MTMR2: variants seen among roughly 807,000 people sequenced by gnomAD.
MTMR2 encodes the protein phosphatidylinositol-3,5-bisphosphate 3-phosphatase MTMR2.
Under a neutral mutation model 86.9 loss-of-function variants are expected in MTMR2, and 55 were observed. The observed-to-expected ratio is 0.63, with a 90% CI of 0.51 to 0.79. MTMR2 has a LOEUF of 0.79. MTMR2 is among the 30% of genes least tolerant of loss of function. The pLI is 0.00. For missense variants in MTMR2, 659 were observed against 772.3 expected, an observed-to-expected ratio of 0.85 and a Z score of 1.74; for synonymous variants, 241 against 266.8, an observed-to-expected ratio of 0.90 and a Z score of 0.94.
intron 2 of MTMR2, among the ~76,000 whole-genome samples, chr11:95,868,385 A>C (rs948205403): frequency 3.9e-5 from 6 of 151,918 alleles, no homozygotes; most frequent in African/African-American, 1.2e-4. Flanking sequence ...AAGAGAAATG[A>C]ATGAGAATGA....
intron 9 of MTMR2, among the ~76,000 whole-genome samples, chr11:95,848,261 A>C (rs1449788271): frequency 6.6e-6 from 1 of 152,200 alleles, no homozygotes; most frequent in Non-Finnish European, 1.5e-5. Flanking sequence ...TACTGAAATT[A>C]CCAGACTGTA....
In MTMR2 at chr11:95,924,063, C is replaced by G; in HGVS notation, c.-109G>C. 1 of 1,416,594 alleles carries G rather than the reference C, an allele frequency of 7.1e-7. No homozygotes were observed. Among genetic ancestry groups the G allele is most frequent in the Non-Finnish European group, 9.7e-7 (1 of 1,027,914 alleles). 87.8% of individuals were successfully genotyped at this position (1,416,594 alleles called of 1,614,324 possible). ...ACCGGGGCCGCAGTCAGGCCAGCGC[C>G]GGCCCGGGAGGGAGACCGGAAGCGG... On this transcript the variant is annotated 5_prime_UTR_variant, in exon 1 of 15. Transcript: ENST00000346299.
At chr11:95,915,582 T>C (rs1866667396) in intron 1 of MTMR2, among the ~76,000 whole-genome samples, 1 of 152,146 alleles carries the variant, frequency 6.6e-6, no homozygotes, top group Non-Finnish European at 1.5e-5. Flanking sequence ...AGGTCAAAGA[T>C]ATAAAAACAA....
intron 13 of MTMR2, among the ~76,000 whole-genome samples, 199 bp downstream of exon 13, chr11:95,837,895 G>A (rs1863356888): frequency 6.6e-6 from 1 of 152,024 alleles, no homozygotes; most frequent in African/African-American, 2.4e-5. Flanking sequence ...CAGCTAGCTA[G>A]CACCTTCAGC....
chr11:95,918,230 C>T (rs1249723259), intron 1 of MTMR2, among the ~76,000 whole-genome samples: 7 of 152,176 alleles, frequency 4.6e-5, no homozygotes. Flanking sequence ...CAGCATCCAT[C>T]GGGATCACCT....
chr11:95,860,013 T>A (rs1864350160), intron 5 of MTMR2, among the ~76,000 whole-genome samples: 1 of 152,224 alleles, frequency 6.6e-6, no homozygotes, highest in Non-Finnish European at 1.5e-5. Flanking sequence ...TACAAATATT[T>A]TTGTTTATTG....
At chr11:95,847,665 C>G (rs375029987) in intron 10 of MTMR2, 49 bp downstream of exon 10, 191 of 1,510,602 alleles carry the variant, frequency 1.3e-4, no homozygotes, top group Non-Finnish European at 1.7e-4. Context: ...CTAATATAAA[C>G]AAAGGGGTAG....
At position 95,847,890 on chromosome 11, in the gene MTMR2, C is replaced by T; in HGVS notation, c.1003G>A (p.Gly335Arg). The change falls in exon 10 of 15, where the codon GGA becomes AGA. Residue 335 changes from glycine to arginine, a missense_variant. By Grantham distance (125) the Gly-to-Arg change is moderately radical (BLOSUM62 -2). Coordinates refer to ENST00000346299, the MANE Select transcript of MTMR2 (RefSeq NM_016156.6). Reference sequence around the variant, plus strand: ...TAGGCATCTTCACTTTCATAACCTCCACCCTTTGCCTGGAAAAAAGCACAC... The same window carrying T: ...TAGGCATCTTCACTTTCATAACCTCTACCCTTTGCCTGGAAAAAAGCACAC... ...VNAVANKAKG[G>R]GYESEDAYQN... The T allele has an allele frequency of 6.2e-7, 1 of 1,613,602 alleles. No homozygotes were observed. Among genetic ancestry groups the T allele is most frequent in the South Asian group, 1.1e-5 (1 of 91,066 alleles).
intron 1 of MTMR2, among the ~76,000 whole-genome samples, chr11:95,915,250 T>C (rs949039075): frequency 6.6e-6 from 1 of 152,144 alleles, no homozygotes; most frequent in African/African-American, 2.4e-5. Flanking sequence ...CAGCCAGTTA[T>C]TTTCCCTTTT....
chr11:95,920,777 TTC>T (rs1409327162), intron 1 of MTMR2, among the ~76,000 whole-genome samples: 1 of 152,226 alleles, frequency 6.6e-6, no homozygotes, highest in Non-Finnish European at 1.5e-5. Flanking sequence ...TAAAAAGTCT[TTC>T]TTTTTTAGAG....
Position 95,844,961 on chromosome 11 carries a change from A to T in MTMR2, c.1378T>A (p.Phe460Ile). Reference sequence around the variant, plus strand: ...CAAGGTTCCTTACTTACTAGTTGAAATCGATGTCCAAAACTTAGCCATTCT... The same window carrying T: ...CAAGGTTCCTTACTTACTAGTTGAATTCGATGTCCAAAACTTAGCCATTCT... ...EKEWLSFGHR[F>I]QLRVGHGDKN... The change falls in exon 11 of 15, where the codon TTT becomes ATT. Residue 460 changes from phenylalanine (F) to isoleucine (I), a missense_variant. Around this residue, in one of 3 missense-constraint regions of MTMR2, gnomAD observed 387 missense variants for 526.3 expected, o/e 0.74. Coordinates refer to ENST00000346299, the MANE Select transcript of MTMR2 (RefSeq NM_016156.6). 6.2e-7 allele frequency: 1 copy of T among 1,612,566 alleles called. No individual in the cohort carries two copies. The highest frequency in any genetic ancestry group is 1.1e-5 in the South Asian group (1 of 91,056).
At position 95,835,215 on chromosome 11, in the gene MTMR2, C is replaced by T. The variant is rs528877763; in HGVS notation, c.*75G>A. ...TCTCTCATAGATGGGTTCTAAATTCCGAAGACTTTCTACTCATAGAGCTGC... is the reference window on the plus strand; with the variant it reads ...TCTCTCATAGATGGGTTCTAAATTCTGAAGACTTTCTACTCATAGAGCTGC... On this transcript the variant is annotated 3_prime_UTR_variant, in exon 15 of 15. Transcript: ENST00000346299. 9.6e-5 allele frequency: 143 copies of T among 1,487,784 alleles called. No individual in the cohort carries two copies. In the African/African-American group the frequency reaches 1.4e-3, roughly 15 times the overall value. The allele number at this position is 1,487,784 out of a possible 1,614,324, so 92.2% of individuals were successfully genotyped here.
intron 6 of MTMR2, among the ~76,000 whole-genome samples, 180 bp downstream of exon 6, chr11:95,858,351 C>A (rs920296942): frequency 6.6e-5 from 10 of 152,132 alleles, no homozygotes; most frequent in Admixed American, 1.3e-4. Flanking sequence ...GCTAGTCCAG[C>A]TTCCTTTATT....
At chr11:95,918,323 T>C (rs1866784897) in intron 1 of MTMR2, among the ~76,000 whole-genome samples, 1 of 152,172 alleles carries the variant, frequency 6.6e-6, no homozygotes. Context: ...CCCAAGAATT[T>C]GCATTTTTAA....
rs1863192766 is a variant in MTMR2, at chr11:95,834,964, T to A, written c.*326A>T. 8.6e-6 allele frequency: 3 copies of A among 349,570 alleles called. No individual in the cohort carries two copies. The highest frequency in any genetic ancestry group is 1.7e-5 in the Non-Finnish European group (3 of 181,426). The allele number at this position is 349,570 out of a possible 1,614,324, so 21.7% of individuals were successfully genotyped here. A position where few individuals can be genotyped will look rare whatever the true frequency, so the allele number is the denominator to read the frequency against. On this transcript the variant is annotated 3_prime_UTR_variant, in exon 15 of 15. Transcript: ENST00000346299. ...CACAGAGTGTATTTCTAAAATGGTT[T>A]TAATATTACCAGATGCCAAAAATTT... is the stretch of plus-strand genomic sequence containing the variant.
intron 11 of MTMR2, among the ~76,000 whole-genome samples, chr11:95,841,963 G>A (rs570677656): frequency 2.6e-5 from 4 of 152,218 alleles, no homozygotes; most frequent in East Asian, 1.9e-4. Context: ...GCATGGTGGC[G>A]TGCACCTGTA....
At chr11:95,920,402 G>A (rs1866872950) in intron 1 of MTMR2, among the ~76,000 whole-genome samples, 1 of 151,928 alleles carries the variant, frequency 6.6e-6, no homozygotes, top group Non-Finnish European at 1.5e-5. Context: ...TGGCCTCCCA[G>A]GTTCAAGTAA....
chr11:95,854,758 A>T (rs921030748), intron 7 of MTMR2, among the ~76,000 whole-genome samples: 1 of 143,358 alleles, frequency 7.0e-6, no homozygotes, highest in African/African-American at 2.6e-5. Context: ...GAACCACTGT[A>T]CTGGACTGCT....
chr11:95,874,288 G>A (rs576880517), intron 2 of MTMR2, among the ~76,000 whole-genome samples: 298 of 152,280 alleles, frequency 2.0e-3, no homozygotes, highest in African/African-American at 6.6e-3. Flanking sequence ...CCTGTATTAG[G>A]TGCATATATA....
Sources: gnomAD v4.1 joint callset for allele counts (sites outside exome capture counted in the v4.1 genomes callset) on GRCh38, gnomAD v4.1.1 for gene constraint, gnomAD v4.1.1 regional missense constraint, MANE v1.5 for transcripts, NCBI Gene and HGNC (gene_info 2026-07-23, HGNC 2026-07-21) for gene names.